The following TENM4 variants were observed in gnomAD, a reference collection of about 807,000 sequenced individuals.
TENM4 encodes the protein teneurin transmembrane protein 4.
Under a neutral mutation model 243.3 loss-of-function variants are expected in TENM4, and 82 were observed. That is an observed-to-expected ratio of 0.34 (90% CI 0.28 to 0.40). The LOEUF is 0.40. Ranked by LOEUF, TENM4 falls within the 10% of genes least tolerant of loss-of-function variation. TENM4 has a pLI of 1.00. For synonymous variants in TENM4, 1,412 were observed against 1,456.3 expected, an observed-to-expected ratio of 0.97 and a Z score of 0.69; for missense variants, 3,138 against 3,673.3, an observed-to-expected ratio of 0.85 and a Z score of 3.77.
chr11:79,262,285 T>G (rs1855811511), intron 2 of TENM4, among the ~76,000 whole-genome samples: 1 of 152,218 alleles, frequency 6.6e-6, no homozygotes, highest in South Asian at 2.1e-4. Flanking sequence ...CAAAGTGCTG[T>G]GTAGTGCACA....
At chr11:79,423,535 ATTTTTTTTTTT>A (rs67697266) in intron 1 of TENM4, among the ~76,000 whole-genome samples, 35 of 114,122 alleles carry the variant, frequency 3.1e-4, no homozygotes, top group South Asian at 9.2e-4. Context: ...TTACAAGTGC[ATTTTTTTTTTT>A]TTTTTTTTTT....
intron 4 of TENM4, among the ~76,000 whole-genome samples, chr11:79,099,814 C>G (rs920638067): frequency 2.0e-5 from 3 of 152,226 alleles, no homozygotes; most frequent in African/African-American, 7.2e-5. Context: ...CACCACGTGG[C>G]TCTTGTTAAT....
chr11:79,378,514 G>A (rs1857936297), intron 1 of TENM4, among the ~76,000 whole-genome samples: 1 of 152,174 alleles, frequency 6.6e-6, no homozygotes, highest in South Asian at 2.1e-4. Context: ...ACTGTCACCT[G>A]GGGGCATGCC....
chr11:79,001,648 AT>A (rs1202383954), intron 6 of TENM4, among the ~76,000 whole-genome samples: 1 of 152,082 alleles, frequency 6.6e-6, no homozygotes, highest in Non-Finnish European at 1.5e-5. Flanking sequence ...CCTTTAGGAG[AT>A]TTTAGCCTTG....
intron 6 of TENM4, among the ~76,000 whole-genome samples, chr11:79,045,897 G>T (rs1433001371): frequency 6.6e-6 from 1 of 152,148 alleles, no homozygotes; most frequent in East Asian, 1.9e-4. Flanking sequence ...CCCTCATGTG[G>T]AGTCAAACCC....
rs922840196 is a variant in TENM4 at position 78,795,020 on chromosome 11, C to T, written c.2180-7937G>A. Reference sequence around the variant, plus strand: ...AGTAGCTGCCAGATGGTGGTCGCTGCGCTCTTTGGGCCTTCTTCTGTGCTT... The same window carrying T: ...AGTAGCTGCCAGATGGTGGTCGCTGTGCTCTTTGGGCCTTCTTCTGTGCTT... On this transcript the variant is annotated intron_variant, in intron 15 of 33. Coordinates refer to ENST00000278550, the MANE Select transcript of TENM4 (RefSeq NM_001098816.3). 7.9e-5 allele frequency among the ~76,000 whole-genome samples: 12 copies of T among 152,116 alleles called. 1 individual carries two copies. Among genetic ancestry groups the T allele is most frequent in the Non-Finnish European group, 1.3e-4 (9 of 68,018 alleles).
In TENM4 at chr11:78,835,932, T is replaced by C. The variant is rs371710598; in HGVS notation, c.1681+18172A>G. On this transcript the variant is annotated intron_variant, in intron 12 of 33. Coordinates refer to ENST00000278550, the MANE Select transcript of TENM4 (RefSeq NM_001098816.3). ...CACAGCCTGACCAGAGTGCAAGGCATATAGAAGGTGCAAAAGAAACACATA... is the reference window on the plus strand; with the variant it reads ...CACAGCCTGACCAGAGTGCAAGGCACATAGAAGGTGCAAAAGAAACACATA... Among the ~76,000 whole-genome samples the C allele has an allele frequency of 5.9e-5, 9 of 152,304 alleles. No individual in the cohort carries two copies. In the South Asian group the frequency reaches 1.2e-3, roughly 21 times the overall value.
At chr11:79,330,410 G>A (rs1857043206) in intron 1 of TENM4, among the ~76,000 whole-genome samples, 1 of 152,264 alleles carries the variant, frequency 6.6e-6, no homozygotes, top group South Asian at 2.1e-4. Context: ...TGAAAGGCAG[G>A]GGGCTAGGGG....
intron 3 of TENM4, among the ~76,000 whole-genome samples, chr11:79,215,216 A>C (rs1864026045): frequency 6.6e-6 from 1 of 152,074 alleles, no homozygotes; most frequent in East Asian, 1.9e-4. Context: ...TTCCCATAGA[A>C]TCCAGGAGTT....
intron 4 of TENM4, among the ~76,000 whole-genome samples, chr11:79,076,177 T>C: frequency 6.6e-6 from 1 of 152,220 alleles, no homozygotes. Context: ...TTTCTCGTTT[T>C]TGAGGCCAGG....
At chr11:79,409,282 T>C (rs1304632263) in intron 1 of TENM4, among the ~76,000 whole-genome samples, 2 of 151,900 alleles carry the variant, frequency 1.3e-5, no homozygotes, top group Non-Finnish European at 2.9e-5. Context: ...GTGGGAACAC[T>C]TGGGCACATT....
chr11:78,875,253 G>C (rs537585301), intron 9 of TENM4, among the ~76,000 whole-genome samples: 1 of 152,162 alleles, frequency 6.6e-6, no homozygotes, highest in Admixed American at 6.5e-5. Context: ...TTTTGAGACA[G>C]AGTCTCACTC....
intron 1 of TENM4, among the ~76,000 whole-genome samples, chr11:79,368,172 C>G (rs958144062): frequency 6.6e-6 from 1 of 152,144 alleles, no homozygotes; most frequent in Non-Finnish European, 1.5e-5. Context: ...TCATTGGTCT[C>G]CCACCACAGA....
intron 1 of TENM4, among the ~76,000 whole-genome samples, chr11:79,359,371 G>A (rs56123916): frequency 0.1 from 15,872 of 152,174 alleles, 838 homozygotes; most frequent in African/African-American, 0.11. Flanking sequence ...ACATCATCCA[G>A]ATTTTGTTTT....
chr11:79,395,249 C>T (rs1248109557), intron 1 of TENM4, among the ~76,000 whole-genome samples: 1 of 152,208 alleles, frequency 6.6e-6, no homozygotes, highest in Non-Finnish European at 1.5e-5. Flanking sequence ...CAGTCCCTTG[C>T]TGTCAGCAAG....
chr11:79,278,537 C>T (rs1048341732), intron 2 of TENM4, among the ~76,000 whole-genome samples: 3 of 152,348 alleles, frequency 2.0e-5, no homozygotes, highest in Admixed American at 1.3e-4. Context: ...AAAGAACTCT[C>T]TTCCCAGACT....
chr11:78,895,236 T>TGAGGCAGGAGAATCGCTTG (rs1252191717), intron 7 of TENM4, among the ~76,000 whole-genome samples: 3 of 151,206 alleles, frequency 2.0e-5, no homozygotes, highest in African/African-American at 7.3e-5. Context: ...CTCAGGAGGC[T>TGAGGCAGGAGAATCGCTTG]GAGGCAGGAG....
intron 1 of TENM4, among the ~76,000 whole-genome samples, chr11:79,313,649 T>A (rs1273473003): frequency 6.6e-6 from 1 of 152,220 alleles, no homozygotes; most frequent in East Asian, 1.9e-4. Flanking sequence ...TCCAAGTGTG[T>A]TGGGTCCCAG....
rs943065812 is a variant in TENM4, at chr11:79,288,129, C to T, written c.-265+9359G>A. Among the ~76,000 whole-genome samples, 4 of 152,202 alleles carry T rather than the reference C, an allele frequency of 2.6e-5. No homozygotes were observed. The South Asian group carries it at 8.3e-4, about 32-fold the overall frequency. ...ATTCAGCACAGAAACCCAGGTTGGTCCCCTTGTGAAACTGCTAGGCTTTTG... is the reference window on the plus strand; with the variant it reads ...ATTCAGCACAGAAACCCAGGTTGGTTCCCTTGTGAAACTGCTAGGCTTTTG... On this transcript the variant is annotated intron_variant, in intron 2 of 33. Coordinates refer to ENST00000278550, the MANE Select transcript of TENM4 (RefSeq NM_001098816.3).
Sources: allele counts gnomAD v4.1 joint callset (sites outside exome capture counted in the v4.1 genomes callset), GRCh38; gene constraint gnomAD v4.1.1; transcripts MANE v1.5; gene names NCBI Gene and HGNC (gene_info 2026-07-23, HGNC 2026-07-21).